The following ZPBP variants were observed in gnomAD, a reference collection of about 807,000 sequenced individuals.
The protein encoded by ZPBP is zona pellucida binding protein.
In ZPBP, 26 loss-of-function variants were observed where a neutral mutation model predicts 44.8. The ratio of observed to expected loss-of-function variants is 0.58; its 90% CI spans 0.43 to 0.81. The LOEUF (loss-of-function observed/expected upper bound fraction) is 0.81, where lower values mean the gene tolerates loss of function less well. Among genes scored for constraint, ZPBP ranks in the 30% least tolerant of loss-of-function variants. The pLI is 0.00. For synonymous variants in ZPBP, 174 were observed against 153.2 expected (o/e 1.14, Z -1.00); for missense variants, 409 against 434.0 (o/e 0.94, Z 0.51).
At chr7:49,926,734 T>C (rs1405694033) in intron 1 of ZPBP, among the ~76,000 whole-genome samples, 1 of 152,194 alleles carries the variant, frequency 6.6e-6, no homozygotes, top group Non-Finnish European at 1.5e-5. Flanking sequence ...AGATGTATTA[T>C]AGTTTAAAAT....
chr7:50,051,442 G>A (rs969011983), intron 4 of ZPBP, among the ~76,000 whole-genome samples: 19 of 151,986 alleles, frequency 1.3e-4, no homozygotes, highest in African/African-American at 2.7e-4. Flanking sequence ...AGTATATACC[G>A]AAAGAAATAT....
chr7:49,973,332 G>GAA (rs201631193), intron 7 of ZPBP, among the ~76,000 whole-genome samples: 2 of 148,072 alleles, frequency 1.4e-5, no homozygotes, highest in African/African-American at 4.9e-5. Flanking sequence ...GGCAACAAAA[G>GAA]AAAAAAAAAT....
At chr7:49,993,507 A>G (rs1467281849) in intron 6 of ZPBP, among the ~76,000 whole-genome samples, 1 of 152,246 alleles carries the variant, frequency 6.6e-6, no homozygotes, top group Middle Eastern at 3.2e-3. Context: ...GTCACCAACT[A>G]TAGTCTATGA....
chr7:49,941,754 A>ATT (rs370955033), intron 7 of ZPBP, among the ~76,000 whole-genome samples: 1 of 151,302 alleles, frequency 6.6e-6, no homozygotes, highest in Non-Finnish European at 1.5e-5. Context: ...TCCCAATAAC[A>ATT]TTTTTTTTTG....
chr7:49,929,550 T>C (rs1249833608), intron 1 of ZPBP, among the ~76,000 whole-genome samples: 2 of 152,202 alleles, frequency 1.3e-5, no homozygotes, highest in Non-Finnish European at 2.9e-5. Context: ...ACCAAGTTGA[T>C]AGCAGGAAGG....
At chr7:49,893,933 T>C (rs886798474) in intron 2 of ZPBP, among the ~76,000 whole-genome samples, 6 of 152,186 alleles carry the variant, frequency 3.9e-5, no homozygotes, top group Non-Finnish European at 5.9e-5. Flanking sequence ...TAAAATAAAA[T>C]GCGTTGCCAC....
intron 5 of ZPBP, among the ~76,000 whole-genome samples, chr7:50,022,704 C>G (rs1364269951): frequency 6.6e-6 from 1 of 152,072 alleles, no homozygotes; most frequent in Non-Finnish European, 1.5e-5. Flanking sequence ...CGCAACTTTT[C>G]TTAGACCCAT....
At chr7:49,967,980 C>T (rs1178358061) in intron 7 of ZPBP, among the ~76,000 whole-genome samples, 1 of 151,968 alleles carries the variant, frequency 6.6e-6, no homozygotes, top group African/African-American at 2.4e-5. Context: ...ACTCCTGGTA[C>T]TTGTGTAACC....
chr7:50,080,867 C>T (rs1358506360), intron 3 of ZPBP, among the ~76,000 whole-genome samples: 1 of 151,644 alleles, frequency 6.6e-6, no homozygotes, highest in Admixed American at 6.6e-5. Context: ...TATGTCTGAT[C>T]TTTCTATCCC....
At chr7:50,080,789 G>C (rs987634270) in intron 3 of ZPBP, among the ~76,000 whole-genome samples, 1 of 151,652 alleles carries the variant, frequency 6.6e-6, no homozygotes, top group African/African-American at 2.4e-5. Flanking sequence ...TTCTGTTGTT[G>C]AGCCCTGCTG....
intron 2 of ZPBP, among the ~76,000 whole-genome samples, chr7:49,867,757 T>A (rs1004724950): frequency 6.6e-6 from 1 of 152,250 alleles, no homozygotes; most frequent in Non-Finnish European, 1.5e-5. Context: ...GCAGAAGACC[T>A]GCTGGTATCT....
At chr7:49,871,269 C>T (rs1791137414) in intron 2 of ZPBP, among the ~76,000 whole-genome samples, 1 of 152,114 alleles carries the variant, frequency 6.6e-6, no homozygotes, top group African/African-American at 2.4e-5. Context: ...TTGCCTAAAA[C>T]TGAAATTTCA....
At chr7:49,994,880 T>C (rs1159505663) in intron 6 of ZPBP, among the ~76,000 whole-genome samples, 3 of 152,168 alleles carry the variant, frequency 2.0e-5, no homozygotes, top group Non-Finnish European at 4.4e-5. Flanking sequence ...AGCTATCAGG[T>C]GACTATGTAA....
Position 49,983,479 on chromosome 7 carries a change from T to A in ZPBP, c.824A>T (p.Glu275Val). 1 of 1,610,028 alleles carries A rather than the reference T, an allele frequency of 6.2e-7. No individual in the cohort carries two copies. The highest frequency in any genetic ancestry group is 8.5e-7 in the Non-Finnish European group (1 of 1,177,476). The change falls in exon 7 of 8, where the codon GAA becomes GTA. Residue 275 changes from glutamate to valine, a missense_variant. Physicochemically the swap from Glu to Val is moderately radical, Grantham distance 121 (BLOSUM62 -2). Coordinates refer to ENST00000046087, the MANE Select transcript of ZPBP (RefSeq NM_007009.3). The stretch of plus-strand genomic sequence containing the variant: ...TTGTTCTGCACGTCTGCCAAGAATT[T>A]CTACTTGTTGATTAAAAAATCTCTC... ...LIERFFNQQV[E>V]ILGRRAEQLP...
intron 4 of ZPBP, among the ~76,000 whole-genome samples, chr7:50,056,711 T>C (rs760229325): frequency 2.6e-5 from 4 of 152,180 alleles, no homozygotes; most frequent in Non-Finnish European, 5.9e-5. Context: ...ACCGCCACTT[T>C]AAGTTCCAGC....
intron 7 of ZPBP, among the ~76,000 whole-genome samples, chr7:49,951,107 T>C (rs867526984): frequency 7.2e-5 from 11 of 151,838 alleles, no homozygotes; most frequent in Middle Eastern, 3.2e-3. Flanking sequence ...TCAAAATGCA[T>C]TGATGACCAC....
At chr7:49,962,669 T>G (rs1275083958) in intron 7 of ZPBP, among the ~76,000 whole-genome samples, 1 of 151,786 alleles carries the variant, frequency 6.6e-6, no homozygotes, top group Non-Finnish European at 1.5e-5. Flanking sequence ...AAATAGATCT[T>G]AAGAAAAAAG....
intron 4 of ZPBP, among the ~76,000 whole-genome samples, chr7:50,051,213 C>T (rs1021431090): frequency 6.6e-6 from 1 of 152,086 alleles, no homozygotes; most frequent in Non-Finnish European, 1.5e-5. Flanking sequence ...TAGAGAAATG[C>T]AAATCAAAAC....
chr7:50,087,995 A>C (rs1248170148), intron 2 of ZPBP, among the ~76,000 whole-genome samples: 1 of 152,050 alleles, frequency 6.6e-6, no homozygotes, highest in Non-Finnish European at 1.5e-5. Context: ...AAAAGAACAA[A>C]TTTGAAGGAC....
Sources: allele counts gnomAD v4.1 joint callset (sites outside exome capture counted in the v4.1 genomes callset), GRCh38; gene constraint gnomAD v4.1.1; transcripts MANE v1.5; gene names NCBI Gene and HGNC (gene_info 2026-07-23, HGNC 2026-07-21).